PXDNL: variants seen among roughly 807,000 people sequenced by gnomAD.
The protein encoded by PXDNL is peroxidasin like, also known as probable oxidoreductase PXDNL.
Under a neutral mutation model 150.8 loss-of-function variants are expected in PXDNL, and 145 were observed. The ratio of observed to expected loss-of-function variants is 0.96; its 90% confidence interval spans 0.84 to 1.10. The LOEUF (loss-of-function observed/expected upper bound fraction) is 1.10. Among genes scored for constraint, PXDNL ranks in the 50% least tolerant of loss-of-function variants. The probability of loss-of-function intolerance (pLI) is 0.00; values close to 1 mark genes in which losing one functional copy is unlikely to be tolerated. For synonymous variants in PXDNL, 757 were observed against 725.7 expected (o/e 1.04, Z -0.69); for missense variants, 2,087 against 1,873.9 (o/e 1.11, Z -2.10).
At chr8:51,324,439 C>G (rs572909888) in intron 21 of PXDNL, among the ~76,000 whole-genome samples, 13 of 152,300 alleles carry the variant, frequency 8.5e-5, no homozygotes, top group African/African-American at 2.9e-4. Flanking sequence ...TCTTTTGCTG[C>G]TTTCAAAATG....
intron 4 of PXDNL, among the ~76,000 whole-genome samples, chr8:51,537,699 T>G (rs971009671): frequency 2.0e-5 from 3 of 152,248 alleles, no homozygotes; most frequent in Non-Finnish European, 2.9e-5. Flanking sequence ...GTTTTTAACA[T>G]GTGCTTCCTA....
chr8:51,647,903 C>CT (rs1358867893), intron 2 of PXDNL, among the ~76,000 whole-genome samples: 1 of 151,966 alleles, frequency 6.6e-6, no homozygotes, highest in Admixed American at 6.6e-5. Flanking sequence ...TAGCTTCTTT[C>CT]TTTTTACTTT....
chr8:51,773,104 T>C (rs188745939), intron 1 of PXDNL, among the ~76,000 whole-genome samples: 1 of 152,354 alleles, frequency 6.6e-6, no homozygotes, highest in East Asian at 1.9e-4. Context: ...TAGGATGAAC[T>C]ATGGATATAT....
At chr8:51,719,887 C>G (rs905496370) in intron 1 of PXDNL, among the ~76,000 whole-genome samples, 37 of 151,914 alleles carry the variant, frequency 2.4e-4, no homozygotes, top group Non-Finnish European at 3.7e-4. Flanking sequence ...AGAGAAACAG[C>G]CTCTCTACAT....
intron 1 of PXDNL, among the ~76,000 whole-genome samples, chr8:51,798,851 T>C (rs890206076): frequency 2.0e-5 from 3 of 152,154 alleles, no homozygotes; most frequent in African/African-American, 7.2e-5. Flanking sequence ...CAAAGGAATA[T>C]AAATCACCTA....
chr8:51,477,595 G>A (rs751012866), intron 6 of PXDNL, among the ~76,000 whole-genome samples: 6 of 152,090 alleles, frequency 3.9e-5, no homozygotes, highest in African/African-American at 1.2e-4. Context: ...TTAATTTCTC[G>A]TAATTTTATC....
At chr8:51,399,480 T>A (rs1209029806) in intron 17 of PXDNL, among the ~76,000 whole-genome samples, 1 of 152,132 alleles carries the variant, frequency 6.6e-6, no homozygotes, top group Non-Finnish European at 1.5e-5. Flanking sequence ...CTTAAAACAA[T>A]ACATACGGTG....
At chr8:51,478,022 G>C (rs557628230) in intron 6 of PXDNL, among the ~76,000 whole-genome samples, 1 of 152,128 alleles carries the variant, frequency 6.6e-6, no homozygotes, top group South Asian at 2.1e-4. Context: ...GTATAGTATA[G>C]TATAAAAGTA....
At chr8:51,680,275 C>T (rs1360992458) in intron 1 of PXDNL, among the ~76,000 whole-genome samples, 1 of 152,074 alleles carries the variant, frequency 6.6e-6, no homozygotes, top group African/African-American at 2.4e-5. Context: ...GGAAGAGGCT[C>T]TTGAGGTGTG....
intron 5 of PXDNL, among the ~76,000 whole-genome samples, chr8:51,484,174 C>G (rs377413800): frequency 2.0e-5 from 3 of 151,970 alleles, no homozygotes; most frequent in African/African-American, 4.8e-5. Flanking sequence ...TGGTGGCTCA[C>G]GCCTGTAATC....
chr8:51,346,586 C>T (rs1175010913), intron 19 of PXDNL, among the ~76,000 whole-genome samples: 1 of 152,134 alleles, frequency 6.6e-6, no homozygotes, highest in Non-Finnish European at 1.5e-5. Context: ...ATGTAATTCC[C>T]AGTGTTGGTG....
chr8:51,672,501 G>A (rs1815517066), intron 1 of PXDNL, among the ~76,000 whole-genome samples: 1 of 152,084 alleles, frequency 6.6e-6, no homozygotes, highest in South Asian at 2.1e-4. Flanking sequence ...TGGTATTAAT[G>A]AAAAGAAGAA....
At chr8:51,721,346 G>A (rs961009681) in intron 1 of PXDNL, among the ~76,000 whole-genome samples, 4 of 152,174 alleles carry the variant, frequency 2.6e-5, no homozygotes, top group Admixed American at 2.6e-4. Flanking sequence ...AGAATGAATT[G>A]TGTATAAACA....
intron 1 of PXDNL, among the ~76,000 whole-genome samples, chr8:51,738,690 G>A (rs186152549): frequency 6.6e-6 from 1 of 152,202 alleles, no homozygotes; most frequent in Admixed American, 6.5e-5. Context: ...ACTCAATTGG[G>A]ATGAAATAAA....
At chr8:51,439,866 T>C (rs1809498254) in intron 12 of PXDNL, among the ~76,000 whole-genome samples, 1 of 151,524 alleles carries the variant, frequency 6.6e-6, no homozygotes, top group African/African-American at 2.4e-5. Context: ...GAACTACCAT[T>C]TGATCCAACA....
intron 17 of PXDNL, among the ~76,000 whole-genome samples, chr8:51,383,567 A>G (rs1345336140): frequency 1.3e-5 from 2 of 152,154 alleles, no homozygotes; most frequent in African/African-American, 2.4e-5. Context: ...CAGGGCTGCA[A>G]ACTGCCATCA....
intron 4 of PXDNL, among the ~76,000 whole-genome samples, chr8:51,526,099 A>C (rs73583005): frequency 0.023 from 3,548 of 152,276 alleles, 118 homozygotes; most frequent in African/African-American, 0.081. Context: ...ATTTTACTAT[A>C]ATCTGTCCTC....
At chr8:51,776,636 C>T (rs1051586031) in intron 1 of PXDNL, among the ~76,000 whole-genome samples, 4 of 152,136 alleles carry the variant, frequency 2.6e-5, no homozygotes, top group Admixed American at 6.5e-5. Context: ...TTTTGGTCTG[C>T]TAGTCCAGTG....
At chr8:51,656,916 A>C (rs184628218) in intron 1 of PXDNL, among the ~76,000 whole-genome samples, 4 of 152,340 alleles carry the variant, frequency 2.6e-5, no homozygotes, top group Admixed American at 2.6e-4. Flanking sequence ...GCTCCTCTTC[A>C]GACATAACAT....
Sources: gnomAD v4.1 joint callset for allele counts (sites outside exome capture counted in the v4.1 genomes callset) on GRCh38, gnomAD v4.1.1 for gene constraint, MANE v1.5 for transcripts, NCBI Gene and HGNC (gene_info 2026-07-23, HGNC 2026-07-21) for gene names.